ASCC1: variants seen among roughly 807,000 people sequenced by gnomAD.
ASCC1 encodes activating signal cointegrator 1 complex subunit 1.
In ASCC1, 35 loss-of-function variants were observed where a neutral mutation model predicts 46.6. The observed-to-expected ratio is 0.75, with a 90% CI of 0.57 to 0.99. ASCC1 has a LOEUF of 0.99. Ranked by LOEUF, ASCC1 falls within the 50% of genes least tolerant of loss-of-function variation. ASCC1 has a pLI of 0.00. For missense variants in ASCC1, 376 were observed against 428.7 expected (o/e 0.88, Z 1.09); for synonymous variants, 143 against 146.6 (o/e 0.98, Z 0.18).
chr10:72,099,732 A>C (rs1841512323), intron 9 of ASCC1, among the ~76,000 whole-genome samples: 1 of 152,116 alleles, frequency 6.6e-6, no homozygotes, highest in South Asian at 2.1e-4. Flanking sequence ...AGGGAGGAGA[A>C]TCGCTTGAAC....
chr10:72,102,189 A>C, intron 9 of ASCC1: 2 of 676,610 alleles, frequency 3.0e-6, no homozygotes, highest in Non-Finnish European at 5.2e-6. Context: ...CTAGATGAGA[A>C]GGAGATGGAA....
At chr10:72,184,079 G>T (rs996129807) in intron 5 of ASCC1, among the ~76,000 whole-genome samples, 1 of 152,032 alleles carries the variant, frequency 6.6e-6, no homozygotes, top group African/African-American at 2.4e-5. Flanking sequence ...GGGAGGCGGA[G>T]GTTGCAGTGA....
chr10:72,167,635 T>C (rs889246922), intron 5 of ASCC1, among the ~76,000 whole-genome samples: 2 of 151,442 alleles, frequency 1.3e-5, no homozygotes, highest in African/African-American at 4.9e-5. Context: ...GTTGTGTCTA[T>C]GTCTTTTTTT....
intron 7 of ASCC1, among the ~76,000 whole-genome samples, chr10:72,148,001 G>T (rs983588443): frequency 6.6e-6 from 1 of 152,108 alleles, no homozygotes; most frequent in Middle Eastern, 3.2e-3. Flanking sequence ...TTTTTAACGG[G>T]GATGACATTT....
rs189985840 is a variant in ASCC1 at position 72,114,482 on chromosome 10, G to T, written c.957+13600C>A. On this transcript the variant is annotated intron_variant, in intron 9 of 9. Coordinates refer to ENST00000672957, the MANE Select transcript of ASCC1 (RefSeq NM_001198800.3). ...CTACTAAAAATACAAAATATTAGCC[G>T]GGCATGGTGGCGGGCCCCTGTAGTC... Among the ~76,000 whole-genome samples, 15 of 152,088 alleles carry T rather than the reference G, an allele frequency of 9.9e-5. No individual in the cohort carries two copies. The East Asian group carries it at 2.3e-3, about 24-fold the overall frequency.
chr10:72,160,370 T>A (rs1450369584), intron 6 of ASCC1, among the ~76,000 whole-genome samples: 1 of 152,180 alleles, frequency 6.6e-6, no homozygotes, highest in Non-Finnish European at 1.5e-5. Context: ...CTTTCACATT[T>A]CTCTCTTTTG....
intron 9 of ASCC1, among the ~76,000 whole-genome samples, chr10:72,123,247 G>A (rs1248440911): frequency 6.6e-6 from 1 of 151,586 alleles, no homozygotes; most frequent in Non-Finnish European, 1.5e-5. Context: ...GCTGAGGCAG[G>A]AGAATGGCAT....
At chr10:72,163,545 A>C (rs1171992744) in intron 5 of ASCC1, among the ~76,000 whole-genome samples, 3 of 152,028 alleles carry the variant, frequency 2.0e-5, no homozygotes, top group Non-Finnish European at 4.4e-5. Context: ...GACCAGACTG[A>C]CCAACATGGC....
At chr10:72,167,539 A>C (rs1850509474) in intron 5 of ASCC1, among the ~76,000 whole-genome samples, 1 of 152,154 alleles carries the variant, frequency 6.6e-6, no homozygotes, top group Admixed American at 6.5e-5. Flanking sequence ...CAACTCTGTA[A>C]ATTTATTTAA....
intron 6 of ASCC1, among the ~76,000 whole-genome samples, chr10:72,156,588 C>T (rs567964828): frequency 2.2e-4 from 33 of 151,894 alleles, no homozygotes; most frequent in African/African-American, 7.5e-4. Context: ...TGCTGAAAGA[C>T]GGTGAAACCC....
Position 72,117,518 on chromosome 10 carries a change from T to C in ASCC1, c.957+10564A>G, listed in dbSNP as rs545074586. Among the ~76,000 whole-genome samples, 8 of 152,362 alleles carry C rather than the reference T, an allele frequency of 5.3e-5. No homozygotes were observed. In the South Asian group the frequency reaches 1.7e-3, roughly 32 times the overall value. On this transcript the variant is annotated intron_variant, in intron 9 of 9. Coordinates refer to ENST00000672957, the MANE Select transcript of ASCC1 (RefSeq NM_001198800.3). ...CATATTTTCCCCTCATATTTTCTCT[T>C]TGCCATTTGCCAGAGATTTCCTTGA...
intron 5 of ASCC1, among the ~76,000 whole-genome samples, chr10:72,183,463 G>A (rs1057011144): frequency 1.3e-5 from 2 of 152,032 alleles, no homozygotes; most frequent in African/African-American, 4.8e-5. Context: ...TTTGAGACCA[G>A]CCTGGGCAAC....
At chr10:72,183,871 C>A (rs1303626968) in intron 5 of ASCC1, among the ~76,000 whole-genome samples, 1 of 151,828 alleles carries the variant, frequency 6.6e-6, no homozygotes, top group Non-Finnish European at 1.5e-5. Context: ...AGGCTGGGCA[C>A]AGTGGCTCAT....
intron 3 of ASCC1, among the ~76,000 whole-genome samples, chr10:72,206,156 G>A (rs542455610): frequency 1.3e-5 from 2 of 149,364 alleles, no homozygotes; most frequent in Non-Finnish European, 1.5e-5. Flanking sequence ...TGTAATCCCT[G>A]TGCTTTGGAA....
intron 9 of ASCC1, among the ~76,000 whole-genome samples, chr10:72,107,056 G>T (rs1017810306): frequency 1.3e-5 from 2 of 152,086 alleles, no homozygotes; most frequent in African/African-American, 4.8e-5. Flanking sequence ...GATCCCAATT[G>T]CAAAACATCA....
At chr10:72,126,088 T>G (rs1240690166) in intron 9 of ASCC1, among the ~76,000 whole-genome samples, 1 of 152,240 alleles carries the variant, frequency 6.6e-6, no homozygotes, top group Non-Finnish European at 1.5e-5. Flanking sequence ...CAGGCAGATA[T>G]GCCCAACTTC....
chr10:72,133,315 A>G (rs1845818757), intron 7 of ASCC1, 134 bp from the exon 8 acceptor site: 31 of 848,388 alleles, frequency 3.7e-5, no homozygotes, highest in South Asian at 3.5e-4. Context: ...AGGAGGAAGA[A>G]TAAGAGACTC....
intron 5 of ASCC1, among the ~76,000 whole-genome samples, chr10:72,170,871 GGTGC>G (rs1564690460): frequency 6.6e-6 from 1 of 152,012 alleles, no homozygotes; most frequent in Non-Finnish European, 1.5e-5. Flanking sequence ...CAGACACAGT[GGTGC>G]ACGCCTATAG....
intron 8 of ASCC1, among the ~76,000 whole-genome samples, chr10:72,128,533 T>G (rs1845166908): frequency 6.6e-6 from 1 of 152,212 alleles, no homozygotes; most frequent in African/African-American, 2.4e-5. Flanking sequence ...GTTCCTTATG[T>G]TCTATAGATC....
Sources: gnomAD v4.1 joint callset for allele counts (sites outside exome capture counted in the v4.1 genomes callset) on GRCh38, gnomAD v4.1.1 for gene constraint, MANE v1.5 for transcripts, NCBI Gene and HGNC (gene_info 2026-07-23, HGNC 2026-07-21) for gene names.